Variants in ADGRE3 observed in about 807,000 individuals in gnomAD.
ADGRE3 encodes the protein adhesion G protein-coupled receptor E3, also known as EGF-like module receptor 3.
ADGRE3 carries 88 observed loss-of-function variants against 80.1 expected under a neutral mutation model. The observed-to-expected ratio is 1.10, with a 90% CI of 0.93 to 1.31. ADGRE3 has a LOEUF of 1.31. Among genes scored for constraint, ADGRE3 ranks in the 40% most tolerant of loss-of-function variants. The pLI, the probability that ADGRE3 is intolerant of heterozygous loss-of-function variation, is 0.00. For missense variants in ADGRE3, 715 were observed against 776.5 expected (o/e 0.92, Z 0.94); for synonymous variants, 281 against 294.8 (o/e 0.95, Z 0.48).
At chr19:14,643,083 C>T (rs1971296391) in intron 9 of ADGRE3, among the ~76,000 whole-genome samples, 1 of 150,874 alleles carries the variant, frequency 6.6e-6, no homozygotes, top group Admixed American at 6.6e-5. Flanking sequence ...ACCTCACCAG[C>T]ATCTGTTATT....
At chr19:14,626,449 G>T (rs186181261) in intron 14 of ADGRE3, among the ~76,000 whole-genome samples, 10 of 151,824 alleles carry the variant, frequency 6.6e-5, no homozygotes, top group African/African-American at 2.4e-4. Context: ...AAAAACAAAA[G>T]AAAAGAAAAG....
At position 14,655,141 on chromosome 19, in the gene ADGRE3, CA is replaced by C; in HGVS notation, c.417del (p.Phe139LeufsTer35). The C allele has an allele frequency of 1.2e-6, 2 of 1,608,100 alleles. No individual in the cohort carries two copies. The highest frequency in any genetic ancestry group is 1.7e-6 in the Non-Finnish European group (2 of 1,178,416). On this transcript the variant is annotated frameshift_variant, in exon 6 of 16. Transcript: ENST00000253673. LOFTEE classifies it high-confidence loss of function. ...AAAGTCTGATTGGTGAGAAGTGACTCAAATTTGTCCACAATCTTTTGCAGCT... is the reference window on the plus strand; with the variant it reads ...AAAGTCTGATTGGTGAGAAGTGACTCAATTTGTCCACAATCTTTTGCAGCT... ...RKELQKIVDK[F>X]ESLLTNQTLW...
chr19:14,623,311 A>AT lies in ADGRE3; in HGVS notation c.1920+2180_1920+2181insA, dbSNP rs1470534517. On this transcript the variant is annotated intron_variant, in intron 15 of 15. Transcript: ENST00000253673. ...AAAAAAAAAAAAATAAAAAAAAAAA[A>AT]AAATAAAACTCCTGGACTTAAGTGA... Among the ~76,000 whole-genome samples, 16 of 27,354 alleles carry AT rather than the reference A, an allele frequency of 5.8e-4. 4 individuals carry two copies. Among genetic ancestry groups the AT allele is most frequent in the Non-Finnish European group, 1.1e-3 (13 of 11,506 alleles). The allele number at this position is 27,354 out of a possible 152,430, so 17.9% of individuals were successfully genotyped here. A position where few individuals can be genotyped will look rare whatever the true frequency, so the allele number is the denominator to read the frequency against.
intron 6 of ADGRE3, among the ~76,000 whole-genome samples, chr19:14,654,662 C>A (rs1161667058): frequency 1.3e-5 from 2 of 152,088 alleles, no homozygotes; most frequent in East Asian, 3.8e-4. Context: ...TGATGTCTAA[C>A]CAACTGCACA....
intron 7 of ADGRE3, 35 bp downstream of exon 7, chr19:14,651,050 G>T (rs867389391): frequency 6.2e-7 from 1 of 1,613,018 alleles, no homozygotes; most frequent in South Asian, 1.1e-5. Flanking sequence ...ACATGGCTCT[G>T]TGTGAAGGAT....
At chr19:14,609,014 G>A in the ADGRE3 span, among the ~76,000 whole-genome samples, 2 of 151,992 alleles carry the variant, frequency 1.3e-5, no homozygotes, top group African/African-American at 4.8e-5. Flanking sequence ...TGGCCAGGCT[G>A]GTCTCGAAAT....
intron 9 of ADGRE3, 82 bp downstream of exon 9, chr19:14,644,019 GTTTTTTT>G (rs61276204): frequency 1.5e-6 from 1 of 673,064 alleles, no homozygotes. Flanking sequence ...CCTTTTTTCA[GTTTTTTT>G]TTTTTTTTTT....
chr19:14,651,133 T>C lies in ADGRE3; in HGVS notation c.649A>G (p.Asn217Asp). 1.2e-6 allele frequency: 2 copies of C among 1,613,938 alleles called. No homozygotes were observed. Among genetic ancestry groups the C allele is most frequent in the Non-Finnish European group, 1.7e-6 (2 of 1,179,798 alleles). Residue 217 changes from asparagine to aspartate, a missense_variant, in exon 7 of 16, where the codon AAC becomes GAC. Transcript: ENST00000253673. ...RKTFNLNVQM[N>D]SMDIRCSDII... ...TCACTGCAACGGATGTCCATTGAGT[T>C]CATTTGGACGTTCAAGTTGAATGTC...
At chr19:14,600,735 C>A in the ADGRE3 span, among the ~76,000 whole-genome samples, 1 of 151,230 alleles carries the variant, frequency 6.6e-6, no homozygotes, top group South Asian at 2.1e-4. Flanking sequence ...GTGCCCACCA[C>A]CACGCCCGGC....
the ADGRE3 span, chr19:14,600,250 A>T: frequency 1.5e-4 from 227 of 1,557,354 alleles, 3 homozygotes; most frequent in East Asian, 5.0e-3. Flanking sequence ...GGATGCACAC[A>T]TCCCTCCCTT....
chr19:14,606,308 G>A, the ADGRE3 span, among the ~76,000 whole-genome samples: 7 of 151,498 alleles, frequency 4.6e-5, no homozygotes, highest in Admixed American at 2.0e-4. Flanking sequence ...GTGACCTTTG[G>A]GACATGCAGT....
chr19:14,603,089 A>G, the ADGRE3 span, among the ~76,000 whole-genome samples: 3 of 152,308 alleles, frequency 2.0e-5, no homozygotes, highest in Middle Eastern at 3.4e-3. Context: ...GCAGGTGCAA[A>G]TCATATTCCC....
chr19:14,621,653 T>C, intron 15 of ADGRE3: 1 of 1,005,708 alleles, frequency 9.9e-7, no homozygotes. Flanking sequence ...ATACTTCGGA[T>C]TGACCACAGT....
Position 14,640,350 on chromosome 19 carries a change from C to T in ADGRE3, c.1248+1069G>A, listed in dbSNP as rs529972606. On this transcript the variant is annotated intron_variant, in intron 10 of 15. Transcript: ENST00000253673. The stretch of plus-strand genomic sequence containing the variant: ...TGTTGCCCAGGCTGGAGTGCAATGG[C>T]GCAATCTTGGCTCACTGCAGCCTCT... Among the ~76,000 whole-genome samples the T allele has an allele frequency of 3.1e-3, 466 of 152,102 alleles. 1 individual carries two copies. The highest frequency in any genetic ancestry group is 5.7e-3 in the Non-Finnish European group (388 of 67,988).
chr19:14,610,044 C>A, the ADGRE3 span: 3 of 1,597,642 alleles, frequency 1.9e-6, no homozygotes, highest in East Asian at 2.2e-5. Flanking sequence ...GTCCCTCTGC[C>A]CACTTTTTCC....
intron 11 of ADGRE3, among the ~76,000 whole-genome samples, chr19:14,635,200 G>A (rs1026007383): frequency 3.9e-5 from 6 of 151,948 alleles, no homozygotes; most frequent in African/African-American, 9.7e-5. Context: ...GTGCTCAGGC[G>A]ATCCTCCCGC....
chr19:14,653,335 C>G (rs1471200291), intron 6 of ADGRE3, among the ~76,000 whole-genome samples: 1 of 152,020 alleles, frequency 6.6e-6, no homozygotes, highest in African/African-American at 2.4e-5. Flanking sequence ...TCATTTTTAT[C>G]AAACCTCAAT....
the ADGRE3 span, among the ~76,000 whole-genome samples, chr19:14,603,929 C>G: frequency 6.6e-6 from 1 of 152,158 alleles, no homozygotes; most frequent in Non-Finnish European, 1.5e-5. Flanking sequence ...CAAGGACTCT[C>G]TAAATGTTAA....
downstream of ADGRE3, among the ~76,000 whole-genome samples, chr19:14,615,808 A>G (rs1052897646): frequency 6.6e-6 from 1 of 151,436 alleles, no homozygotes; most frequent in Non-Finnish European, 1.5e-5. Flanking sequence ...TGCCCAACCT[A>G]GAGTGCAGTG....
Sources: gnomAD v4.1 joint callset for allele counts (sites outside exome capture counted in the v4.1 genomes callset) on GRCh38, gnomAD v4.1.1 for gene constraint, MANE v1.5 for transcripts, NCBI Gene and HGNC (gene_info 2026-07-23, HGNC 2026-07-21) for gene names.